The following LEMD3 variants were observed in gnomAD, a reference collection of about 807,000 sequenced individuals.
LEMD3 encodes the protein LEM domain containing 3.
Under a neutral mutation model 95.2 loss-of-function variants are expected in LEMD3, and 33 were observed. The observed-to-expected ratio is 0.35, with a 90% CI of 0.26 to 0.46. The LOEUF is 0.46. Among genes scored for constraint, LEMD3 ranks in the 20% least tolerant of loss-of-function variants. The pLI is 1.00. For synonymous variants in LEMD3, 525 were observed against 474.6 expected (o/e 1.11, Z -1.38); for missense variants, 1,210 against 1,192.8 (o/e 1.01, Z -0.21).
At chr12:65,215,762 G>C (rs758944047) in intron 2 of LEMD3, among the ~76,000 whole-genome samples, 2 of 151,922 alleles carry the variant, frequency 1.3e-5, no homozygotes, top group African/African-American at 2.4e-5. Context: ...TTTTTAAATC[G>C]TTCTCCAGAA....
chr12:65,183,582 A>G (rs1868970961), intron 1 of LEMD3, among the ~76,000 whole-genome samples: 1 of 152,118 alleles, frequency 6.6e-6, no homozygotes, highest in African/African-American at 2.4e-5. Context: ...AGGTATGGAG[A>G]TATTAATTTG....
At chr12:65,181,190 ACCTTGGTCAG>A (rs1238129031) in intron 1 of LEMD3, among the ~76,000 whole-genome samples, 1 of 152,108 alleles carries the variant, frequency 6.6e-6, no homozygotes, top group Non-Finnish European at 1.5e-5. Context: ...ATGGCTTGGA[ACCTTGGTCAG>A]CCTTATTAAG....
intron 2 of LEMD3, among the ~76,000 whole-genome samples, chr12:65,214,074 C>CT (rs1338888290): frequency 1.2e-4 from 18 of 151,568 alleles, no homozygotes; most frequent in Admixed American, 2.0e-4. Context: ...CCTGCTCTTA[C>CT]TTTTTTTTTG....
At chr12:65,234,368 A>C (rs1870715537) in intron 4 of LEMD3, among the ~76,000 whole-genome samples, 1 of 152,232 alleles carries the variant, frequency 6.6e-6, no homozygotes. Context: ...GAATAATAAA[A>C]CAGTTTAAAC....
At position 65,207,262 on chromosome 12, in the gene LEMD3, A is replaced by G. The variant is rs146912079; in HGVS notation, c.1523-3664A>G. ...ATTGATGAAGCTGCTATTCTAGGAGACCATAGTATGCCCTCAAGTTTCTAT... is the reference window on the plus strand; with the variant it reads ...ATTGATGAAGCTGCTATTCTAGGAGGCCATAGTATGCCCTCAAGTTTCTAT... On this transcript the variant is annotated intron_variant, in intron 1 of 12. Coordinates refer to ENST00000308330, the MANE Select transcript of LEMD3 (RefSeq NM_014319.5). Among the ~76,000 whole-genome samples, 15 of 152,202 alleles carry G rather than the reference A, an allele frequency of 9.9e-5. No individual in the cohort carries two copies. In the East Asian group the frequency reaches 2.9e-3, roughly 29 times the overall value.
At chr12:65,181,284 A>T (rs965954786) in intron 1 of LEMD3, among the ~76,000 whole-genome samples, 8 of 152,296 alleles carry the variant, frequency 5.3e-5, no homozygotes, top group Non-Finnish European at 7.4e-5. Context: ...TCATTTGAAG[A>T]AACATTAAGT....
intron 1 of LEMD3, among the ~76,000 whole-genome samples, chr12:65,179,300 A>G (rs565553810): frequency 6.6e-6 from 1 of 152,218 alleles, no homozygotes; most frequent in South Asian, 2.1e-4. Context: ...GATGCATTTG[A>G]TAATTTCAGG....
At chr12:65,207,266 T>C (rs12300713) in intron 1 of LEMD3, among the ~76,000 whole-genome samples, 3,191 of 152,206 alleles carry the variant, frequency 0.021, 124 homozygotes, top group African/African-American at 0.074. Context: ...TAGGAGACCA[T>C]AGTATGCCCT....
intron 1 of LEMD3, among the ~76,000 whole-genome samples, chr12:65,175,199 A>C (rs1220623246): frequency 2.0e-5 from 3 of 152,184 alleles, no homozygotes; most frequent in Non-Finnish European, 2.9e-5. Flanking sequence ...ATTTTAAGTG[A>C]TATTATAGCA....
Position 65,247,339 on chromosome 12 carries a change from A to G in LEMD3, c.*1014A>G, listed in dbSNP as rs1871144963. On this transcript the variant is annotated 3_prime_UTR_variant, in exon 13 of 13. Coordinates refer to ENST00000308330, the MANE Select transcript of LEMD3 (RefSeq NM_014319.5). ...CCATTGGGGTTAAGTCATTTTCCCA[A>G]TCTATTTATAATTTAATGATATGTT... 2 of 152,680 alleles carry G rather than the reference A, an allele frequency of 1.3e-5. No homozygotes were observed. Among genetic ancestry groups the G allele is most frequent in the Non-Finnish European group, 1.5e-5 (1 of 67,992 alleles). The allele number at this position is 152,680 out of a possible 1,614,324, so 9.5% of individuals were successfully genotyped here. A position where few individuals can be genotyped will look rare whatever the true frequency, so the allele number is the denominator to read the frequency against.
At chr12:65,219,119 A>G (rs991698140) in intron 4 of LEMD3, among the ~76,000 whole-genome samples, 2 of 152,134 alleles carry the variant, frequency 1.3e-5, no homozygotes, top group Middle Eastern at 3.2e-3. Context: ...AACATTCTCT[A>G]TGAGAGAATG....
At chr12:65,172,413 CAGAT>C (rs1189763297) in intron 1 of LEMD3, among the ~76,000 whole-genome samples, 2 of 152,076 alleles carry the variant, frequency 1.3e-5, no homozygotes, top group African/African-American at 4.8e-5. Context: ...TTAGCCAACT[CAGAT>C]AAAGAGTAGG....
At chr12:65,201,980 TGA>T (rs1437406924) in intron 1 of LEMD3, among the ~76,000 whole-genome samples, 1 of 151,914 alleles carries the variant, frequency 6.6e-6, no homozygotes, top group Non-Finnish European at 1.5e-5. Flanking sequence ...TTTATTTTAC[TGA>T]GAGTTTTTTT....
rs1187736216 is a variant in LEMD3, at chr12:65,170,373, G to A, written c.777G>A (p.Ser259=). Residue 259 remains serine, a synonymous_variant, in exon 1 of 13, where the codon TCG becomes TCA. Transcript: ENST00000308330. ...CCTACAGCTGCCGGGAAAACTATTC[G>A]GACTCAGAGGAAGAGGACGACGACG... The part of the protein sequence containing the change: ...LVPYSCRENY[S]DSEEEDDDDV... 1 of 1,613,596 alleles carries A rather than the reference G, an allele frequency of 6.2e-7. No individual in the cohort carries two copies. Among genetic ancestry groups the A allele is most frequent in the Non-Finnish European group, 8.5e-7 (1 of 1,179,766 alleles).
intron 1 of LEMD3, among the ~76,000 whole-genome samples, chr12:65,198,566 T>C (rs934710680): frequency 6.6e-6 from 1 of 152,156 alleles, no homozygotes; most frequent in African/African-American, 2.4e-5. Flanking sequence ...TTTATTTGAA[T>C]CTGATCCTTG....
intron 10 of LEMD3, among the ~76,000 whole-genome samples, chr12:65,244,937 C>T (rs1450745199): frequency 2.0e-5 from 3 of 151,838 alleles, no homozygotes; most frequent in Admixed American, 6.6e-5. Context: ...GGTGACAAAG[C>T]GAGACCCTGT....
chr12:65,211,249 A>G (rs1470405905), intron 2 of LEMD3, among the ~76,000 whole-genome samples: 2 of 152,150 alleles, frequency 1.3e-5, no homozygotes, highest in Non-Finnish European at 2.9e-5. Context: ...GCCAAGTAAA[A>G]TGGGAGTGGC....
At chr12:65,245,132 C>CT (rs536543524) in intron 10 of LEMD3, among the ~76,000 whole-genome samples, 1,473 of 139,290 alleles carry the variant, frequency 0.011, 20 homozygotes, top group African/African-American at 0.027. Flanking sequence ...TCTCTGCACT[C>CT]TTTTTTTTTT....
At position 65,199,660 on chromosome 12, in the gene LEMD3, G is replaced by A. The variant is rs1447721709; in HGVS notation, c.1523-11266G>A. On this transcript the variant is annotated intron_variant, in intron 1 of 12. Transcript: ENST00000308330. ...CTTCTAGGTCTTTGCAAAAGAGAGG[G>A]AACTTTTCTTTTTCAGTTTTCAATT... is the stretch of plus-strand genomic sequence containing the variant. 4.6e-5 allele frequency among the ~76,000 whole-genome samples: 7 copies of A among 152,068 alleles called. No individual in the cohort carries two copies. The East Asian group carries it at 1.4e-3, about 29-fold the overall frequency.
Sources: gnomAD v4.1 joint callset for allele counts (sites outside exome capture counted in the v4.1 genomes callset) on GRCh38, gnomAD v4.1.1 for gene constraint, MANE v1.5 for transcripts, NCBI Gene and HGNC (gene_info 2026-07-23, HGNC 2026-07-21) for gene names.